The following PDE3A variants were observed in gnomAD, a reference collection of about 807,000 sequenced individuals.
The protein encoded by PDE3A is cGMP-inhibited 3',5'-cyclic phosphodiesterase 3A.
PDE3A carries 43 observed loss-of-function variants against 98.3 expected under a neutral mutation model. The ratio of observed to expected loss-of-function variants is 0.44; its 90% CI spans 0.34 to 0.56. PDE3A has a LOEUF of 0.56. PDE3A is among the 20% of genes least tolerant of loss of function. The pLI, the probability that PDE3A is intolerant of heterozygous loss-of-function variation, is 0.01. For missense variants in PDE3A, 1,427 were observed against 1,440.7 expected, an observed-to-expected ratio of 0.99 and a Z score of 0.15; for synonymous variants, 663 against 567.9, an observed-to-expected ratio of 1.17 and a Z score of -2.38.
intron 1 of PDE3A, among the ~76,000 whole-genome samples, chr12:20,553,650 C>T (rs916956469): frequency 1.3e-5 from 2 of 151,906 alleles, no homozygotes; most frequent in African/African-American, 4.8e-5. Flanking sequence ...CCTCTGCCCA[C>T]GAGAGCAGGG....
chr12:20,607,945 T>C (rs1384262254), intron 2 of PDE3A, among the ~76,000 whole-genome samples: 1 of 152,192 alleles, frequency 6.6e-6, no homozygotes, highest in Non-Finnish European at 1.5e-5. Flanking sequence ...TTGGTATACC[T>C]CAATATTTAA....
At chr12:20,417,203 G>A (rs1487552988) in intron 1 of PDE3A, among the ~76,000 whole-genome samples, 18 of 152,128 alleles carry the variant, frequency 1.2e-4, no homozygotes, top group African/African-American at 3.9e-4. Context: ...GACATTATGT[G>A]GCATGCCTTA....
chr12:20,586,092 G>A (rs1188511753), intron 2 of PDE3A, among the ~76,000 whole-genome samples: 1 of 152,188 alleles, frequency 6.6e-6, no homozygotes, highest in East Asian at 1.9e-4. Context: ...CTTCAAGGGT[G>A]GGACTAAACC....
intron 1 of PDE3A, among the ~76,000 whole-genome samples, chr12:20,373,166 TG>T (rs1460351949): frequency 1.3e-5 from 2 of 152,102 alleles, no homozygotes; most frequent in Admixed American, 1.3e-4. Context: ...CTATAAAGTT[TG>T]TTTAGCTTTT....
chr12:20,611,756 T>C (rs1352123420), intron 2 of PDE3A, among the ~76,000 whole-genome samples: 1 of 151,856 alleles, frequency 6.6e-6, no homozygotes, highest in African/African-American at 2.4e-5. Context: ...ATTTTTCTAA[T>C]TACAAGAATA....
chr12:20,507,923 C>G (rs560752035), intron 1 of PDE3A, among the ~76,000 whole-genome samples: 13 of 152,110 alleles, frequency 8.5e-5, no homozygotes, highest in Admixed American at 7.9e-4. Flanking sequence ...TAAATTAGCC[C>G]GAGTGATCCT....
chr12:20,379,496 G>A (rs1943626828), intron 1 of PDE3A, among the ~76,000 whole-genome samples: 1 of 151,704 alleles, frequency 6.6e-6, no homozygotes, highest in South Asian at 2.1e-4. Flanking sequence ...TTCAGATTAA[G>A]ACAATTTTTA....
intron 2 of PDE3A, among the ~76,000 whole-genome samples, chr12:20,604,239 G>A (rs117816662): frequency 0.037 from 5,615 of 151,728 alleles, 141 homozygotes; most frequent in Non-Finnish European, 0.054. Flanking sequence ...AGGGGAGGGA[G>A]ATAAAATGAA....
At chr12:20,418,310 A>G (rs1944456254) in intron 1 of PDE3A, among the ~76,000 whole-genome samples, 1 of 152,196 alleles carries the variant, frequency 6.6e-6, no homozygotes, top group Non-Finnish European at 1.5e-5. Flanking sequence ...AGTCTGTCAC[A>G]TAATAGGTAC....
intron 3 of PDE3A, 23 bp downstream of exon 3, chr12:20,613,723 T>C (rs749619168): frequency 6.3e-7 from 1 of 1,594,710 alleles, no homozygotes; most frequent in South Asian, 1.1e-5. Flanking sequence ...GACATACCCC[T>C]TAAAGGGTTA....
At chr12:20,608,381 ATT>A (rs60642047) in intron 2 of PDE3A, among the ~76,000 whole-genome samples, 4 of 151,498 alleles carry the variant, frequency 2.6e-5, no homozygotes, top group Admixed American at 6.6e-5. Context: ...TACTAAGGAT[ATT>A]TTTTTTTTCC....
At chr12:20,678,167 A>G (rs1232555568) in intron 15 of PDE3A, among the ~76,000 whole-genome samples, 1 of 152,196 alleles carries the variant, frequency 6.6e-6, no homozygotes, top group Non-Finnish European at 1.5e-5. Context: ...CTAGGACTGC[A>G]GGAGTACATG....
At chr12:20,666,216 C>T (rs535377574) in intron 15 of PDE3A, among the ~76,000 whole-genome samples, 178 of 152,150 alleles carry the variant, frequency 1.2e-3, no homozygotes, top group African/African-American at 4.0e-3. Context: ...CCATCCGCCT[C>T]GGCCTCCCAA....
intron 2 of PDE3A, among the ~76,000 whole-genome samples, chr12:20,610,374 AT>A (rs1400633042): frequency 6.6e-6 from 1 of 152,028 alleles, no homozygotes; most frequent in Non-Finnish European, 1.5e-5. Context: ...TAGGATGGCT[AT>A]TATTAAAAAG....
intron 1 of PDE3A, among the ~76,000 whole-genome samples, chr12:20,406,350 A>G (rs1459153805): frequency 6.6e-6 from 1 of 152,172 alleles, no homozygotes; most frequent in African/African-American, 2.4e-5. Context: ...ATTCCCACTA[A>G]CAGCATGTAA....
intron 1 of PDE3A, among the ~76,000 whole-genome samples, chr12:20,438,924 T>G (rs1944822643): frequency 6.6e-6 from 1 of 152,114 alleles, no homozygotes; most frequent in Admixed American, 6.6e-5. Flanking sequence ...CCTGAGTAGC[T>G]GGGACTATAG....
chr12:20,511,078 A>G (rs1017557885), intron 1 of PDE3A, among the ~76,000 whole-genome samples: 4 of 151,990 alleles, frequency 2.6e-5, no homozygotes, highest in African/African-American at 9.7e-5. Context: ...CAAAAATAGG[A>G]TCTGCTTGAC....
intron 15 of PDE3A, among the ~76,000 whole-genome samples, chr12:20,673,291 G>T (rs891608913): frequency 3.3e-5 from 5 of 150,670 alleles, no homozygotes; most frequent in Non-Finnish European, 7.4e-5. Context: ...AGTCAGTGTG[G>T]CGATTCCTCA....
chr12:20,433,943 GT>G (rs1270095126), intron 1 of PDE3A, among the ~76,000 whole-genome samples: 1 of 152,066 alleles, frequency 6.6e-6, no homozygotes, highest in Non-Finnish European at 1.5e-5. Context: ...TGAATAAGAA[GT>G]GCTAGTGGAA....
Sources: gnomAD v4.1 joint callset for allele counts (sites outside exome capture counted in the v4.1 genomes callset) on GRCh38, gnomAD v4.1.1 for gene constraint, MANE v1.5 for transcripts, NCBI Gene and HGNC (gene_info 2026-07-23, HGNC 2026-07-21) for gene names.